MDH2: variants seen among roughly 807,000 people sequenced by gnomAD.
MDH2 encodes the protein malate dehydrogenase 2.
A neutral mutation model predicts 33.6 loss-of-function variants in MDH2; 25 were observed. That is an observed-to-expected ratio of 0.74 (90% CI 0.54 to 1.04). The LOEUF (loss-of-function observed/expected upper bound fraction) is 1.04, where lower values mean the gene tolerates loss of function less well. Among genes scored for constraint, MDH2 ranks in the 50% least tolerant of loss-of-function variants. MDH2 has a pLI of 0.00. For synonymous variants in MDH2, 193 were observed against 188.7 expected, an observed-to-expected ratio of 1.02 and a Z score of -0.19; for missense variants, 432 against 445.0, an observed-to-expected ratio of 0.97 and a Z score of 0.26.
At chr7:76,057,829 A>G in intron 3 of MDH2, 140 bp from the exon 4 acceptor site, 1 of 742,466 alleles carries the variant, frequency 1.3e-6, no homozygotes, top group Non-Finnish European at 2.2e-6. Context: ...ATGCTGGATC[A>G]TTTACCCTGC....
At chr7:76,065,575 A>T (rs1798072791) in intron 8 of MDH2, among the ~76,000 whole-genome samples, 1 of 152,172 alleles carries the variant, frequency 6.6e-6, no homozygotes, top group South Asian at 2.1e-4. Context: ...TTGGTGAGAG[A>T]CAGGCACTCG....
At chr7:76,051,005 C>A (rs183904142) in intron 1 of MDH2, among the ~76,000 whole-genome samples, 1 of 152,066 alleles carries the variant, frequency 6.6e-6, no homozygotes, top group Non-Finnish European at 1.5e-5. Context: ...CCTCAGCCTC[C>A]TGAGTAGCTG....
chr7:76,063,386 C>T, intron 5 of MDH2, 129 bp from the exon 6 acceptor site: 1 of 821,446 alleles, frequency 1.2e-6, no homozygotes, highest in Non-Finnish European at 2.0e-6. Context: ...GACAGGGCCT[C>T]CTCCTAGCTG....
chr7:76,057,024 A>G (rs1797806169), intron 2 of MDH2, among the ~76,000 whole-genome samples: 1 of 152,104 alleles, frequency 6.6e-6, no homozygotes, highest in Non-Finnish European at 1.5e-5. Flanking sequence ...AAAAAAAAAA[A>G]AAGGAGTTTT....
At chr7:76,051,903 T>C (rs549987650) in intron 1 of MDH2, among the ~76,000 whole-genome samples, 1 of 152,304 alleles carries the variant, frequency 6.6e-6, no homozygotes, top group East Asian at 1.9e-4. Context: ...GATCATGATC[T>C]AACCTCCGGG....
chr7:76,063,750 G>A (rs1435481089), intron 6 of MDH2, among the ~76,000 whole-genome samples, 158 bp downstream of exon 6: 2 of 152,218 alleles, frequency 1.3e-5, no homozygotes, highest in Admixed American at 6.5e-5. Flanking sequence ...CTGCAGGGCG[G>A]TGTCAGTCCT....
At position 76,048,119 on chromosome 7, in the gene MDH2, C is replaced by A. The variant is rs1482852359; in HGVS notation, c.-42C>A. On this transcript the variant is annotated 5_prime_UTR_variant, in exon 1 of 9. Transcript: ENST00000315758. ...GTCGTTGGAGTCACTTCCCCGTCAC[C>A]AGCTCCTGTGCCTGCCAGTCGGTGC... 1 of 1,536,572 alleles carries A rather than the reference C, an allele frequency of 6.5e-7. No homozygotes were observed. The highest frequency in any genetic ancestry group is 2.0e-5 in the Admixed American group (1 of 51,012).
intron 5 of MDH2, among the ~76,000 whole-genome samples, chr7:76,062,435 C>T (rs907053792): frequency 6.6e-6 from 1 of 152,214 alleles, no homozygotes; most frequent in Non-Finnish European, 1.5e-5. Context: ...CTAAGCCTCT[C>T]GGATCTTTGG....
intron 3 of MDH2, among the ~76,000 whole-genome samples, 167 bp from the exon 4 acceptor site, chr7:76,057,802 C>T (rs146585947): frequency 3.1e-4 from 47 of 152,310 alleles, no homozygotes; most frequent in African/African-American, 1.1e-3. Context: ...ATGCAGACCT[C>T]GCTTCTGGCA....
At chr7:76,049,112 A>T in intron 1 of MDH2, 1 of 985,318 alleles carries the variant, frequency 1.0e-6, no homozygotes, top group Non-Finnish European at 1.2e-6. Context: ...AGGGGAATCC[A>T]AATTTATCAT....
intron 6 of MDH2, 48 bp from the exon 7 acceptor site, chr7:76,064,291 G>A (rs1554587440): frequency 6.8e-7 from 1 of 1,476,520 alleles, no homozygotes; most frequent in African/African-American, 1.4e-5. Context: ...AGTGGGTCTG[G>A]GGTCATGGGC....
chr7:76,048,815 G>T, intron 1 of MDH2: 1 of 1,218,018 alleles, frequency 8.2e-7, no homozygotes, highest in African/African-American at 1.6e-5. Flanking sequence ...CTGCCGCCAG[G>T]TGTCTTAACA....
At chr7:76,052,430 CAAAAAAAAAAA>C (rs57185949) in intron 1 of MDH2, among the ~76,000 whole-genome samples, 1 of 128,748 alleles carries the variant, frequency 7.8e-6, no homozygotes, top group Non-Finnish European at 1.6e-5. Flanking sequence ...GACCCTATCT[CAAAAAAAAAAA>C]AAAAAAAAAA....
At position 76,066,419 on chromosome 7, in the gene MDH2, G is replaced by A. The variant is rs781988454; in HGVS notation, c.*9G>A. 1 of 1,601,200 alleles carries A rather than the reference G, an allele frequency of 6.2e-7. No homozygotes were observed. Among genetic ancestry groups the A allele is most frequent in the Non-Finnish European group, 8.5e-7 (1 of 1,174,280 alleles). ...TGAAGACCCTGAAGTGAGCCGCTGT[G>A]ACGGGTGGCCAGTTTCCTTAATTTA... On this transcript the variant is annotated 3_prime_UTR_variant, in exon 9 of 9. Transcript: ENST00000315758.
rs146302743 is a variant in MDH2, at chr7:76,064,346, C to T, written c.641C>T (p.Pro214Leu). 14 of 1,611,738 alleles carry T rather than the reference C, an allele frequency of 8.7e-6. No individual in the cohort carries two copies. Among genetic ancestry groups the T allele is most frequent in the African/African-American group, 1.3e-5 (1 of 74,868 alleles). Residue 214 changes from proline (P) to leucine (L), a missense_variant, in exon 7 of 9, where the codon CCC becomes CTC. Physicochemically the swap from Pro to Leu is moderately conservative, Grantham distance 98. Transcript: ENST00000315758. ...CCATGGCTTGGCTTGCAGTGCACCC[C>T]CAAGGTGGACTTTCCCCAGGACCAG... ...TIIPLISQCT[P>L]KVDFPQDQLT...
chr7:76,055,958 G>A (rs564488460), intron 2 of MDH2, among the ~76,000 whole-genome samples: 1 of 151,714 alleles, frequency 6.6e-6, no homozygotes, highest in East Asian at 2.0e-4. Context: ...CTCCCGAGTA[G>A]CTGGGACCAC....
intron 1 of MDH2, chr7:76,054,485 CA>C (rs1797713104): frequency 6.9e-6 from 2 of 291,040 alleles, no homozygotes; most frequent in Non-Finnish European, 1.3e-5. Context: ...TGTTGCTAGG[CA>C]CTCAGTGTGT....
Position 76,066,262 on chromosome 7 carries a change from G to A in MDH2, c.886-17G>A. On this transcript the variant is annotated splice_polypyrimidine_tract_variant and intron_variant, in intron 8 of 8. Transcript: ENST00000315758. ...TTTCCTGGAAACTTCATTTTAACAT[G>A]TTCCCATCTCCCTCAGAAAAAGGGC... The A allele has an allele frequency of 6.2e-7, 1 of 1,603,182 alleles. No homozygotes were observed. The highest frequency in any genetic ancestry group is 8.5e-7 in the Non-Finnish European group (1 of 1,175,040).
intron 1 of MDH2, among the ~76,000 whole-genome samples, chr7:76,052,851 T>C (rs1380964563): frequency 3.9e-5 from 6 of 152,002 alleles, no homozygotes; most frequent in African/African-American, 1.5e-4. Flanking sequence ...CCAGAAGATA[T>C]TTTTTTAAAG....
Sources: gnomAD v4.1 joint callset for allele counts (sites outside exome capture counted in the v4.1 genomes callset) on GRCh38, gnomAD v4.1.1 for gene constraint, MANE v1.5 for transcripts, NCBI Gene and HGNC (gene_info 2026-07-23, HGNC 2026-07-21) for gene names.